RGS22: variants seen among roughly 807,000 people sequenced by gnomAD.
RGS22 encodes the protein regulator of G-protein signaling 22.
RGS22 carries 148 observed loss-of-function variants against 172.9 expected under a neutral mutation model. The observed-to-expected ratio is 0.86, with a 90% CI of 0.75 to 0.98. The LOEUF is 0.98. Ranked by LOEUF, RGS22 falls within the 50% of genes least tolerant of loss-of-function variation. The probability of loss-of-function intolerance (pLI) is 0.00; values close to 1 mark genes in which losing one functional copy is unlikely to be tolerated. For missense variants in RGS22, 1,347 were observed against 1,440.8 expected, an observed-to-expected ratio of 0.93 and a Z score of 1.05; for synonymous variants, 458 against 480.2, an observed-to-expected ratio of 0.95 and a Z score of 0.60.
chr8:99,980,044 T>C (rs1046930855), intron 22 of RGS22, among the ~76,000 whole-genome samples: 1 of 152,172 alleles, frequency 6.6e-6, no homozygotes, highest in Non-Finnish European at 1.5e-5. Context: ...TAGAGAGATA[T>C]CTAGGAGTAT....
Position 100,006,057 on chromosome 8 carries a change from A to AG in RGS22, c.2413dup (p.Leu805ProfsTer6). On this transcript the variant is annotated frameshift_variant, in exon 16 of 28. Transcript: ENST00000360863. LOFTEE classifies it high-confidence loss of function. ...AAATGTCTCTTTATGCAAAGCCTGT[A>AG]GCTTTCTGAAGTATGTGGAGTCTAA... The AG allele has an allele frequency of 6.2e-7, 1 of 1,613,568 alleles. No homozygotes were observed. The highest frequency in any genetic ancestry group is 8.5e-7 in the Non-Finnish European group (1 of 1,179,674).
intron 2 of RGS22, among the ~76,000 whole-genome samples, chr8:100,097,751 T>C (rs1049908898): frequency 3.3e-5 from 5 of 152,230 alleles, no homozygotes; most frequent in Non-Finnish European, 1.5e-5. Context: ...TCTGGAATCC[T>C]GTCCACTAAG....
chr8:100,078,320 C>T lies in RGS22; in HGVS notation c.339+1814G>A, dbSNP rs866467356. 1.0e-3 allele frequency among the ~76,000 whole-genome samples: 154 copies of T among 151,876 alleles called. 1 individual carries two copies. The Middle Eastern group carries it at 0.021, about 20-fold the overall frequency. On this transcript the variant is annotated intron_variant, in intron 4 of 27. Coordinates refer to ENST00000360863, the MANE Select transcript of RGS22 (RefSeq NM_015668.5). ...GTGGCACCATCATAGCTTACTGCAG[C>T]CTCAAACTCCTGGGCTCAAGTGATC...
intron 9 of RGS22, among the ~76,000 whole-genome samples, chr8:100,058,908 A>C (rs1381258196): frequency 6.6e-6 from 1 of 152,214 alleles, no homozygotes; most frequent in African/African-American, 2.4e-5. Context: ...AAGTAGAAAG[A>C]CTAAACAATG....
In RGS22 at chr8:99,981,970, C is replaced by A; in HGVS notation, c.3327G>T (p.Lys1109Asn). 1 of 1,613,860 alleles carries A rather than the reference C, an allele frequency of 6.2e-7. No individual in the cohort carries two copies. Among genetic ancestry groups the A allele is most frequent in the South Asian group, 1.1e-5 (1 of 91,038 alleles). The part of the protein sequence containing the change: ...EQAQKIIEHR[K>N]ELGPYVFREA... ...CTCTAAATACATATGGTCCTAACTCCTTCCGGTGTTCAATAATCTTCTGGG... is the reference window on the plus strand; with the variant it reads ...CTCTAAATACATATGGTCCTAACTCATTCCGGTGTTCAATAATCTTCTGGG... Residue 1109 changes from lysine to asparagine, a missense_variant, in exon 22 of 28, where the codon AAG (lysine) becomes AAT (asparagine). Transcript: ENST00000360863.
chr8:100,036,356 T>C (rs1435367432), intron 14 of RGS22, among the ~76,000 whole-genome samples: 1 of 152,164 alleles, frequency 6.6e-6, no homozygotes, highest in African/African-American at 2.4e-5. Flanking sequence ...TGTGGTGAAA[T>C]CTTCAGGGTG....
intron 2 of RGS22, among the ~76,000 whole-genome samples, chr8:100,101,229 G>GA (rs1442415693): frequency 6.6e-6 from 1 of 151,700 alleles, no homozygotes; most frequent in Non-Finnish European, 1.5e-5. Context: ...TAAACTTTCT[G>GA]AATGTGTACC....
chr8:100,049,838 G>A (rs1346710155), intron 10 of RGS22, among the ~76,000 whole-genome samples: 1 of 152,084 alleles, frequency 6.6e-6, no homozygotes, highest in African/African-American at 2.4e-5. Context: ...ACCTGGGTCA[G>A]GAGTTCGAGA....
chr8:99,971,354 A>G, intron 23 of RGS22, among the ~76,000 whole-genome samples: 1 of 152,216 alleles, frequency 6.6e-6, no homozygotes, highest in Middle Eastern at 3.2e-3. Flanking sequence ...CCTATTCAAC[A>G]TAGTATTGGA....
intron 14 of RGS22, among the ~76,000 whole-genome samples, chr8:100,020,698 A>G (rs1456237645): frequency 1.3e-5 from 2 of 152,230 alleles, no homozygotes. Context: ...AAACTCTGTC[A>G]TTACCAAAAA....
At chr8:100,043,943 G>T (rs1157931962) in intron 11 of RGS22, among the ~76,000 whole-genome samples, 1 of 152,126 alleles carries the variant, frequency 6.6e-6, no homozygotes, top group Non-Finnish European at 1.5e-5. Context: ...GAATACTTAG[G>T]AATGAAGAAC....
At position 100,028,654 on chromosome 8, in the gene RGS22, A is replaced by T. The variant is rs1311877519; in HGVS notation, c.2166+10277T>A. 3.9e-5 allele frequency among the ~76,000 whole-genome samples: 6 copies of T among 152,308 alleles called. No individual in the cohort carries two copies. The East Asian group carries it at 7.7e-4, about 20-fold the overall frequency. ...TGTGCCTACCAGAAACAGCATAGAT[A>T]AAAAACCCCACTAAAAAGCTCATAA... is the stretch of plus-strand genomic sequence containing the variant. On this transcript the variant is annotated intron_variant, in intron 14 of 27. Transcript: ENST00000360863.
chr8:100,080,052 A>G, intron 4 of RGS22, 82 bp downstream of exon 4: 1 of 981,624 alleles, frequency 1.0e-6, no homozygotes, highest in East Asian at 2.4e-5. Flanking sequence ...CTACACTTCA[A>G]AAAGGGAAGC....
intron 6 of RGS22, 147 bp from the exon 7 acceptor site, chr8:100,066,443 C>T (rs1230945337): frequency 3.1e-6 from 2 of 647,900 alleles, no homozygotes; most frequent in South Asian, 6.5e-5. Context: ...TAAAATTCTA[C>T]TGAAAAAATT....
At chr8:100,034,101 G>C (rs901723308) in intron 14 of RGS22, among the ~76,000 whole-genome samples, 2 of 152,166 alleles carry the variant, frequency 1.3e-5, no homozygotes, top group African/African-American at 4.8e-5. Context: ...CATAGTGTTG[G>C]AAGTTCTGGC....
intron 4 of RGS22, among the ~76,000 whole-genome samples, chr8:100,073,200 T>C (rs534850975): frequency 3.9e-5 from 6 of 152,278 alleles, no homozygotes; most frequent in Admixed American, 6.5e-5. Context: ...GTGGCTTCCA[T>C]GGACAATCTA....
intron 9 of RGS22, among the ~76,000 whole-genome samples, chr8:100,059,438 A>G (rs1336244984): frequency 6.6e-6 from 1 of 152,126 alleles, no homozygotes; most frequent in East Asian, 1.9e-4. Context: ...AAAGGGATGG[A>G]AAAACATGTT....
In RGS22 at chr8:100,052,858, C is replaced by T. The variant is rs751264096; in HGVS notation, c.1633G>A (p.Ala545Thr). Residue 545 changes from alanine to threonine, a missense_variant, in exon 10 of 28, where the codon GCA becomes ACA. Physicochemically the swap from Ala to Thr is moderately conservative, Grantham distance 58. Transcript: ENST00000360863. ...RKDIDPFPQMATLLPLRPKSC... is the reference protein window; with the variant it reads ...RKDIDPFPQMTTLLPLRPKSC... ...TTGGGTCTTAATGGCAAGAGGGTTG[C>T]CATTTGTGGAAAAGGGTCAATATCC... is the stretch of plus-strand genomic sequence containing the variant. The T allele has an allele frequency of 6.2e-7, 1 of 1,614,006 alleles. No homozygotes were observed. The highest frequency in any genetic ancestry group is 1.7e-5 in the Admixed American group (1 of 60,016).
chr8:100,080,038 G>GTAGCTACATTTAT, intron 4 of RGS22, 96 bp downstream of exon 4: 9 of 830,310 alleles, frequency 1.1e-5, no homozygotes, highest in Non-Finnish European at 1.7e-5. Flanking sequence ...GCTAATAAAT[G>GTAGCTACATTTAT]TAGCTACACT....
Sources: allele counts gnomAD v4.1 joint callset (sites outside exome capture counted in the v4.1 genomes callset), GRCh38; gene constraint gnomAD v4.1.1; transcripts MANE v1.5; gene names NCBI Gene and HGNC (gene_info 2026-07-23, HGNC 2026-07-21).